Variants in KCNIP1 observed in about 807,000 individuals in gnomAD.
KCNIP1 encodes the protein A-type potassium channel modulatory protein KCNIP1.
In KCNIP1, 18 loss-of-function variants were observed where a neutral mutation model predicts 33.0. The observed-to-expected ratio is 0.55, with a 90% CI of 0.38 to 0.81. KCNIP1 has a LOEUF of 0.81. Ranked by LOEUF, KCNIP1 falls within the 30% of genes least tolerant of loss-of-function variation. KCNIP1 has a pLI of 0.00. For missense variants in KCNIP1, 238 were observed against 271.6 expected (o/e 0.88, Z 0.87); for synonymous variants, 93 against 98.3 (o/e 0.95, Z 0.32).
At chr5:170,713,694 A>G (rs1168931301) in intron 1 of KCNIP1, among the ~76,000 whole-genome samples, 1 of 152,146 alleles carries the variant, frequency 6.6e-6, no homozygotes, top group Non-Finnish European at 1.5e-5. Context: ...TTTGGGCCAC[A>G]CTCAAGCCGA....
intron 5 of KCNIP1, among the ~76,000 whole-genome samples, chr5:170,725,816 A>T (rs894120270): frequency 2.6e-5 from 4 of 152,190 alleles, no homozygotes; most frequent in African/African-American, 4.8e-5. Context: ...AATTAAAAAT[A>T]AAAAATAAAT....
upstream of KCNIP1, among the ~76,000 whole-genome samples, chr5:170,502,161 G>C (rs1757426425): frequency 6.6e-6 from 1 of 152,226 alleles, no homozygotes. Context: ...CTGGGGTAAT[G>C]ATCAGGCACC....
chr5:170,433,527 A>T (rs1045985623), intron 1 of KCNIP1, among the ~76,000 whole-genome samples: 11 of 152,162 alleles, frequency 7.2e-5, no homozygotes, highest in Non-Finnish European at 1.5e-5. Flanking sequence ...GAACCACTGA[A>T]ATGAAACAAA....
At chr5:170,432,500 A>T (rs1399331149) in intron 1 of KCNIP1, among the ~76,000 whole-genome samples, 1 of 152,220 alleles carries the variant, frequency 6.6e-6, no homozygotes, top group Non-Finnish European at 1.5e-5. Context: ...GGTTCGGTAG[A>T]ATATTCATGG....
chr5:170,611,533 G>A (rs1390454134), intron 1 of KCNIP1, among the ~76,000 whole-genome samples: 1 of 152,182 alleles, frequency 6.6e-6, no homozygotes, highest in Non-Finnish European at 1.5e-5. Flanking sequence ...TTGCAAGGAG[G>A]TATCACATAC....
intron 1 of KCNIP1, among the ~76,000 whole-genome samples, chr5:170,617,690 T>C (rs981369977): frequency 3.3e-5 from 5 of 152,196 alleles, no homozygotes; most frequent in African/African-American, 1.2e-4. Context: ...TCAAAGGCTC[T>C]GAAATGTCCT....
chr5:170,456,263 T>A (rs12189004), intron 1 of KCNIP1, among the ~76,000 whole-genome samples: 2,613 of 151,540 alleles, frequency 0.017, 44 homozygotes, highest in African/African-American at 0.041. Context: ...GAACAATGAG[T>A]ACACATGGAC....
At chr5:170,584,403 G>A (rs1416953582) in intron 1 of KCNIP1, among the ~76,000 whole-genome samples, 1 of 152,202 alleles carries the variant, frequency 6.6e-6, no homozygotes, top group African/African-American at 2.4e-5. Flanking sequence ...AGGCCAGGCT[G>A]GACAGTAAGA....
intron 1 of KCNIP1, among the ~76,000 whole-genome samples, chr5:170,537,274 C>T (rs1220038152): frequency 1.3e-5 from 2 of 152,214 alleles, no homozygotes; most frequent in African/African-American, 4.8e-5. Flanking sequence ...TCGGACAAGT[C>T]ACCTTACCCA....
intron 1 of KCNIP1, among the ~76,000 whole-genome samples, chr5:170,714,268 G>A (rs1019877310): frequency 2.0e-5 from 3 of 152,206 alleles, no homozygotes; most frequent in African/African-American, 4.8e-5. Context: ...GGCTACAAGC[G>A]AGTTTGCAAT....
At chr5:170,485,864 C>A (rs1027006484) in intron 1 of KCNIP1, 1 of 152,432 alleles carries the variant, frequency 6.6e-6, no homozygotes, top group Non-Finnish European at 1.5e-5. Context: ...TTTGCCCTTC[C>A]TCTAGACTCA....
intron 1 of KCNIP1, among the ~76,000 whole-genome samples, chr5:170,381,567 C>T (rs746802942): frequency 2.0e-5 from 3 of 152,198 alleles, no homozygotes; most frequent in Non-Finnish European, 2.9e-5. Context: ...GGCAAAAACA[C>T]GAAGGGCATT....
At chr5:170,603,308 A>G (rs1272571162) in intron 1 of KCNIP1, among the ~76,000 whole-genome samples, 1 of 152,186 alleles carries the variant, frequency 6.6e-6, no homozygotes, top group Non-Finnish European at 1.5e-5. Flanking sequence ...AATGGTCCAA[A>G]TCACACCTCT....
At chr5:170,734,471 G>A (rs186920126) in intron 7 of KCNIP1, among the ~76,000 whole-genome samples, 18 of 152,234 alleles carry the variant, frequency 1.2e-4, no homozygotes, top group African/African-American at 4.3e-4. Context: ...CCATAGGTCT[G>A]GGGTAGGGCC....
Position 170,504,828 on chromosome 5 carries a change from GT to G in KCNIP1, c.61+196del, listed in dbSNP as rs1754648239. ...CCCAGAGGAGGGAGCCGGAGTGGAC[GT>G]CTGCCCCAGCGGCAACTGGACCCCT... On this transcript the variant is annotated intron_variant, in intron 1 of 7. Transcript: ENST00000328939. This position sits in a 1 kb window ranked among gnomAD's most constrained non-coding sequence, Gnocchi z 6.0. Among the ~76,000 whole-genome samples the G allele has an allele frequency of 6.6e-6, 1 of 152,166 alleles. No homozygotes were observed. The highest frequency in any genetic ancestry group is 6.5e-5 in the Admixed American group (1 of 15,294).
chr5:170,558,401 ATTAAT>A (rs921969412), intron 1 of KCNIP1, among the ~76,000 whole-genome samples: 35 of 152,382 alleles, frequency 2.3e-4, no homozygotes, highest in African/African-American at 8.4e-4. Context: ...AGAATAAAAA[ATTAAT>A]TTTTTAAAGA....
intron 1 of KCNIP1, among the ~76,000 whole-genome samples, chr5:170,664,090 C>T (rs528142592): frequency 3.3e-5 from 5 of 152,242 alleles, no homozygotes; most frequent in African/African-American, 9.6e-5. Flanking sequence ...CAGACACTCC[C>T]AAGGCCTTGT....
chr5:170,410,842 A>C (rs1234554574), intron 1 of KCNIP1, among the ~76,000 whole-genome samples: 2 of 152,192 alleles, frequency 1.3e-5, no homozygotes, highest in African/African-American at 4.8e-5. Flanking sequence ...TAGGTGCACA[A>C]AGATGCCTAG....
chr5:170,407,176 C>T (rs142509505), intron 1 of KCNIP1, among the ~76,000 whole-genome samples: 225 of 152,320 alleles, frequency 1.5e-3, no homozygotes, highest in African/African-American at 4.9e-3. Context: ...TAACCATAGA[C>T]GAGTTAAGAG....
Sources: gnomAD v4.1 joint callset for allele counts (sites outside exome capture counted in the v4.1 genomes callset) on GRCh38, gnomAD v4.1.1 for gene constraint, Gnocchi (gnomAD v3.1) non-coding constraint, MANE v1.5 for transcripts, NCBI Gene and HGNC (gene_info 2026-07-23, HGNC 2026-07-21) for gene names.